The following NCKAP1 variants were observed in gnomAD, a reference collection of about 807,000 sequenced individuals.
NCKAP1 encodes nck-associated protein 1.
NCKAP1 carries 21 observed loss-of-function variants against 151.2 expected under a neutral mutation model. The observed-to-expected ratio is 0.14, with a 90% CI of 0.10 to 0.20. The LOEUF (loss-of-function observed/expected upper bound fraction) is 0.20. NCKAP1 is among the 10% of genes least tolerant of loss of function. NCKAP1 has a pLI of 1.00. For missense variants in NCKAP1, 933 were observed against 1,352.1 expected (o/e 0.69, Z 4.86); for synonymous variants, 484 against 451.8 (o/e 1.07, Z -0.90).
At chr2:182,936,101 A>T (rs191915605) in intron 24 of NCKAP1, among the ~76,000 whole-genome samples, 1 of 151,580 alleles carries the variant, frequency 6.6e-6, no homozygotes, top group East Asian at 1.9e-4. Flanking sequence ...TACAAAAAAT[A>T]AAAAAAAATC....
At chr2:183,033,880 T>A (rs572370100) in intron 1 of NCKAP1, among the ~76,000 whole-genome samples, 4 of 152,354 alleles carry the variant, frequency 2.6e-5, no homozygotes, top group African/African-American at 9.6e-5. Context: ...CACTCATTTA[T>A]GTTATGTTTG....
intron 1 of NCKAP1, among the ~76,000 whole-genome samples, chr2:183,027,388 T>C (rs1172061720): frequency 1.3e-5 from 2 of 152,200 alleles, no homozygotes; most frequent in East Asian, 1.9e-4. Context: ...CCCCATCTTA[T>C]CTTTTTTCTA....
chr2:182,954,040 A>G (rs1697274097), intron 20 of NCKAP1, among the ~76,000 whole-genome samples: 1 of 152,144 alleles, frequency 6.6e-6, no homozygotes, highest in Admixed American at 6.5e-5. Context: ...CAATCCTCAC[A>G]TTTAATAAAC....
intron 10 of NCKAP1, among the ~76,000 whole-genome samples, chr2:182,984,548 T>C (rs1382786401): frequency 4.6e-5 from 7 of 152,058 alleles, no homozygotes; most frequent in Admixed American, 2.6e-4. Context: ...TTAAAATCCA[T>C]CCTCTCCCTA....
Position 182,909,361 on chromosome 2 carries a change from C to T in NCKAP1, c.*16341G>A, listed in dbSNP as rs573479078. ...CTTCATACACCTTCTCTTCATTTCC[C>T]TCTCCTTGCCAGCCCCTGCCAACCA... On this transcript the variant is annotated 3_prime_UTR_variant, in exon 31 of 31. Transcript: ENST00000361354. 5.6e-4 allele frequency: 86 copies of T among 152,270 alleles called. No individual in the cohort carries two copies. The highest frequency in any genetic ancestry group is 2.0e-3 in the African/African-American group (84 of 41,548). 9.4% of individuals were successfully genotyped at this position (152,270 alleles called of 1,614,324 possible). A position where few individuals can be genotyped will look rare whatever the true frequency, so the allele number is the denominator to read the frequency against.
chr2:183,029,888 T>C (rs539884714), intron 1 of NCKAP1, among the ~76,000 whole-genome samples: 1 of 150,684 alleles, frequency 6.6e-6, no homozygotes, highest in East Asian at 1.9e-4. Flanking sequence ...ACAAAAGATG[T>C]TGGAAGTAAA....
intron 23 of NCKAP1, among the ~76,000 whole-genome samples, chr2:182,951,031 C>T (rs1697204071): frequency 6.6e-6 from 1 of 151,928 alleles, no homozygotes; most frequent in South Asian, 2.1e-4. Flanking sequence ...GGGGATTTCA[C>T]CATGTTGGCC....
chr2:183,007,862 G>A (rs1341193842), intron 2 of NCKAP1, among the ~76,000 whole-genome samples: 1 of 152,152 alleles, frequency 6.6e-6, no homozygotes, highest in African/African-American at 2.4e-5. Flanking sequence ...ACTGGTCTCT[G>A]TATTTCTCCT....
intron 10 of NCKAP1, among the ~76,000 whole-genome samples, chr2:182,984,423 G>GGTGT (rs4018678): frequency 4.9e-5 from 7 of 144,276 alleles, no homozygotes; most frequent in African/African-American, 1.5e-4. Context: ...TTTAGATTGG[G>GGTGT]GTGTGTGTGT....
At chr2:182,957,420 C>T in intron 19 of NCKAP1, 37 bp downstream of exon 19, 1 of 1,576,660 alleles carries the variant, frequency 6.3e-7, no homozygotes, top group Middle Eastern at 1.7e-4. Flanking sequence ...AAATATTTTA[C>T]CTGGAGCAAA....
At chr2:183,026,741 T>C (rs1238282176) in intron 1 of NCKAP1, among the ~76,000 whole-genome samples, 9 of 152,212 alleles carry the variant, frequency 5.9e-5, no homozygotes, top group African/African-American at 2.2e-4. Flanking sequence ...GTCTGTAAAA[T>C]GGGGAAATTA....
rs921547177 is a variant in NCKAP1 at position 182,920,223 on chromosome 2, C to G, written c.*5479G>C. ...TTCTAGGCTCAAATGATACCTCTGG[C>G]TCCGCCTCTCAAAGTGTTGGGATTA... is the stretch of plus-strand genomic sequence containing the variant. On this transcript the variant is annotated 3_prime_UTR_variant, in exon 31 of 31. Transcript: ENST00000361354. The G allele has an allele frequency of 3.9e-5, 6 of 152,316 alleles. No homozygotes were observed. Among genetic ancestry groups the G allele is most frequent in the African/African-American group, 1.4e-4 (6 of 41,446 alleles). 9.4% of individuals were successfully genotyped at this position (152,316 alleles called of 1,614,324 possible). A position where few individuals can be genotyped will look rare whatever the true frequency, so the allele number is the denominator to read the frequency against.
In NCKAP1 at chr2:182,962,204, A is replaced by G; in HGVS notation, c.1836T>C (p.Asn612=). Residue 612 remains asparagine (N), a synonymous_variant, in exon 18 of 31, where the codon AAT becomes AAC. Transcript: ENST00000361354. ...GTTCTGTGCAAATATCAGTGATGAG[A>G]TTTCGAGCTTGTTTGGCCATTTCAT... ...FLDEMAKQAR[N]LITDICTEQC... 2 of 1,613,162 alleles carry G rather than the reference A, an allele frequency of 1.2e-6. No homozygotes were observed. The highest frequency in any genetic ancestry group is 1.7e-6 in the Non-Finnish European group (2 of 1,179,390).
At chr2:182,985,792 G>C (rs974426921) in intron 10 of NCKAP1, among the ~76,000 whole-genome samples, 1 of 138,764 alleles carries the variant, frequency 7.2e-6, no homozygotes, top group African/African-American at 2.7e-5. Context: ...GACAGAGTGA[G>C]ACTGTCTCAA....
At chr2:182,997,465 A>AT (rs1559099396) in intron 6 of NCKAP1, among the ~76,000 whole-genome samples, 2 of 152,126 alleles carry the variant, frequency 1.3e-5, no homozygotes, top group Admixed American at 1.3e-4. Context: ...GTTTCAAAGA[A>AT]TTTTTTTATT....
intron 8 of NCKAP1, among the ~76,000 whole-genome samples, chr2:182,992,034 ATTG>A (rs1214216422): frequency 6.6e-6 from 1 of 152,190 alleles, no homozygotes; most frequent in African/African-American, 2.4e-5. Flanking sequence ...CATTAAACAG[ATTG>A]TTAAGATCCA....
intron 10 of NCKAP1, among the ~76,000 whole-genome samples, chr2:182,985,671 C>T (rs1039906508): frequency 2.0e-5 from 3 of 151,728 alleles, no homozygotes; most frequent in African/African-American, 2.4e-5. Flanking sequence ...GAATGTACGG[C>T]GGGTGCCTGT....
intron 2 of NCKAP1, among the ~76,000 whole-genome samples, chr2:183,022,644 C>T (rs898178078): frequency 2.0e-5 from 3 of 152,060 alleles, no homozygotes; most frequent in African/African-American, 7.2e-5. Context: ...TTTTATGAAA[C>T]CTCTACTAAC....
At chr2:183,023,480 C>T (rs1333088623) in intron 2 of NCKAP1, among the ~76,000 whole-genome samples, 1 of 152,040 alleles carries the variant, frequency 6.6e-6, no homozygotes, top group Non-Finnish European at 1.5e-5. Flanking sequence ...AAGTTTATGA[C>T]TATAAGAAAC....
Sources: allele counts gnomAD v4.1 joint callset (sites outside exome capture counted in the v4.1 genomes callset), GRCh38; gene constraint gnomAD v4.1.1; transcripts MANE v1.5; gene names NCBI Gene and HGNC (gene_info 2026-07-23, HGNC 2026-07-21).